The following DOCK2 variants were observed in gnomAD, a reference collection of about 807,000 sequenced individuals.
DOCK2 encodes the protein dedicator of cytokinesis protein 2.
DOCK2 carries 87 observed loss-of-function variants against 248.9 expected under a neutral mutation model. The ratio of observed to expected loss-of-function variants is 0.35; its 90% CI spans 0.29 to 0.42. The LOEUF (loss-of-function observed/expected upper bound fraction) is 0.42. Ranked by LOEUF, DOCK2 falls within the 10% of genes least tolerant of loss-of-function variation. DOCK2 has a pLI of 1.00. For synonymous variants in DOCK2, 805 were observed against 821.6 expected (o/e 0.98, Z 0.35); for missense variants, 1,747 against 2,300.2 (o/e 0.76, Z 4.92).
chr5:169,648,094 G>A (rs1483880832), intron 1 of DOCK2, among the ~76,000 whole-genome samples: 4 of 152,176 alleles, frequency 2.6e-5, no homozygotes, highest in Admixed American at 2.6e-4. Context: ...GTGTGTGAAT[G>A]TGCCTATAGG....
chr5:169,780,846 A>G (rs1003683371), intron 25 of DOCK2, among the ~76,000 whole-genome samples: 4 of 152,256 alleles, frequency 2.6e-5, no homozygotes, highest in African/African-American at 9.6e-5. Context: ...GCTAATTGAT[A>G]TAAACAAGAG....
chr5:169,713,468 T>C (rs532906273), intron 17 of DOCK2, among the ~76,000 whole-genome samples: 2 of 152,332 alleles, frequency 1.3e-5, no homozygotes, highest in South Asian at 2.1e-4. Flanking sequence ...CACTCTGCTA[T>C]GTATTCTATA....
At chr5:170,036,106 C>T (rs1296845209) in intron 35 of DOCK2, among the ~76,000 whole-genome samples, 1 of 152,192 alleles carries the variant, frequency 6.6e-6, no homozygotes, top group Non-Finnish European at 1.5e-5. Flanking sequence ...TGCTACCACT[C>T]ACTTTCCAAC....
intron 40 of DOCK2, among the ~76,000 whole-genome samples, chr5:170,048,493 T>C (rs1248580607): frequency 6.6e-6 from 1 of 152,192 alleles, no homozygotes; most frequent in African/African-American, 2.4e-5. Flanking sequence ...TATTTTCCAA[T>C]AAAAAATCAG....
intron 30 of DOCK2, among the ~76,000 whole-genome samples, chr5:170,001,175 A>G (rs192723935): frequency 6.6e-6 from 1 of 152,282 alleles, no homozygotes; most frequent in Admixed American, 6.5e-5. Context: ...GCATCCCCAG[A>G]GTGGTCATGA....
intron 25 of DOCK2, among the ~76,000 whole-genome samples, chr5:169,785,388 A>C: frequency 6.6e-6 from 1 of 152,224 alleles, no homozygotes; most frequent in Middle Eastern, 3.2e-3. Context: ...GTGAATGAAG[A>C]AAAAGATGGC....
chr5:170,070,337 G>A (rs1279693245), intron 46 of DOCK2, among the ~76,000 whole-genome samples: 1 of 152,240 alleles, frequency 6.6e-6, no homozygotes, highest in Non-Finnish European at 1.5e-5. Flanking sequence ...GAAGCATTGG[G>A]TGCAGCCTCT....
chr5:170,030,376 T>A (rs138654106), intron 34 of DOCK2, among the ~76,000 whole-genome samples: 212 of 152,256 alleles, frequency 1.4e-3, no homozygotes, highest in Admixed American at 8.8e-3. Context: ...CTGTGCCTGC[T>A]CCATCCTTTC....
rs1467934017 is a variant in DOCK2, at chr5:169,851,958, C to A, written c.2799+11106C>A. 2.0e-5 allele frequency among the ~76,000 whole-genome samples: 3 copies of A among 151,768 alleles called. No individual in the cohort carries two copies. In the East Asian group the frequency reaches 5.8e-4, roughly 29 times the overall value. On this transcript the variant is annotated intron_variant, in intron 27 of 51. Transcript: ENST00000520908. ...AGATGAGATTTGGGTGGGGACACAG[C>A]AAAACCATATCACCATGCCTCGTGT...
intron 27 of DOCK2, chr5:169,864,263 C>T (rs73801668): frequency 1.2e-5 from 19 of 1,550,862 alleles, no homozygotes; most frequent in Non-Finnish European, 1.7e-5. Flanking sequence ...GGGGGATGGT[C>T]CCAACCAGCT....
intron 26 of DOCK2, among the ~76,000 whole-genome samples, chr5:169,810,004 T>C (rs1415923475): frequency 6.6e-6 from 1 of 152,172 alleles, no homozygotes. Flanking sequence ...TCTGTGGACT[T>C]TTCTGTCTGC....
chr5:170,080,329 G>A (rs1757984886), intron 50 of DOCK2, 46 bp downstream of exon 50: 2 of 1,608,110 alleles, frequency 1.2e-6, no homozygotes, highest in African/African-American at 2.7e-5. Flanking sequence ...AGATAGTGCA[G>A]GCCACCAGCC....
Position 169,702,378 on chromosome 5 carries a change from A to G in DOCK2, c.1334A>G (p.Asn445Ser), listed in dbSNP as rs371303142. Residue 445 changes from asparagine (N) to serine (S), a missense_variant, in exon 14 of 52, where the codon AAT becomes AGT. This residue lies in a region of DOCK2 where 858 missense variants were observed against 1,183.5 expected (regional missense o/e 0.72). Transcript: ENST00000520908. ...FDKYNKTTQR[N>S]VEVIMCVCAE... is the part of the protein sequence containing the mutation. ...AAGTACAACAAGACCACACAGAGGA[A>G]TGTGGAAGTCATCATGTGTGTGTGC... 6.0e-5 allele frequency: 97 copies of G among 1,613,862 alleles called. No homozygotes were observed. In the African/African-American group the frequency reaches 1.2e-3, roughly 20 times the overall value.
chr5:170,035,698 G>A (rs1317025972), intron 35 of DOCK2, among the ~76,000 whole-genome samples: 7 of 152,190 alleles, frequency 4.6e-5, no homozygotes, highest in Admixed American at 4.6e-4. Context: ...ATGGTGTCAA[G>A]GAGGAGGGTG....
chr5:170,081,672 A>C, intron 50 of DOCK2, 170 bp from the exon 51 acceptor site: 1 of 738,952 alleles, frequency 1.4e-6, no homozygotes, highest in East Asian at 2.8e-5. Flanking sequence ...GGACAGCTTC[A>C]ATGTCCCCTG....
chr5:169,810,060 C>A (rs1048760271), intron 26 of DOCK2, among the ~76,000 whole-genome samples: 1 of 151,984 alleles, frequency 6.6e-6, no homozygotes, highest in Non-Finnish European at 1.5e-5. Context: ...TGCTGCTCTA[C>A]CCCCCGCCCA....
intron 27 of DOCK2, among the ~76,000 whole-genome samples, chr5:169,901,932 C>G (rs1452025662): frequency 6.6e-6 from 1 of 152,174 alleles, no homozygotes; most frequent in Non-Finnish European, 1.5e-5. Context: ...GACCACAGTG[C>G]CCTCTCCTAC....
At chr5:170,069,809 C>T (rs766425491) in intron 46 of DOCK2, among the ~76,000 whole-genome samples, 1 of 152,150 alleles carries the variant, frequency 6.6e-6, no homozygotes, top group African/African-American at 2.4e-5. Context: ...CCTGCCTCTC[C>T]TTCCATTCTC....
At chr5:169,870,097 G>C (rs1246004865) in intron 27 of DOCK2, among the ~76,000 whole-genome samples, 2 of 152,198 alleles carry the variant, frequency 1.3e-5, no homozygotes, top group Non-Finnish European at 2.9e-5. Flanking sequence ...CATGGGACCT[G>C]TGGTTTAGGG....
Sources: allele counts gnomAD v4.1 joint callset (sites outside exome capture counted in the v4.1 genomes callset), GRCh38; gene constraint gnomAD v4.1.1; regional missense constraint gnomAD v4.1.1; transcripts MANE v1.5; gene names NCBI Gene and HGNC (gene_info 2026-07-23, HGNC 2026-07-21).